Variants in ABLIM2 observed in about 807,000 individuals in gnomAD.
The protein encoded by ABLIM2 is actin binding LIM protein family member 2, also known as actin-binding LIM protein 2.
ABLIM2 carries 53 observed loss-of-function variants against 97.7 expected under a neutral mutation model. The observed-to-expected ratio is 0.54, with a 90% CI of 0.44 to 0.68. The LOEUF is 0.68. Ranked by LOEUF, ABLIM2 falls within the 30% of genes least tolerant of loss-of-function variation. The pLI, the probability that ABLIM2 is intolerant of heterozygous loss-of-function variation, is 0.00. For synonymous variants in ABLIM2, 361 were observed against 345.8 expected, an observed-to-expected ratio of 1.04 and a Z score of -0.49; for missense variants, 835 against 867.2, an observed-to-expected ratio of 0.96 and a Z score of 0.47.
rs1828426760 is a variant in ABLIM2, at chr4:8,091,642, T to A, written c.339-3358A>T. Among the ~76,000 whole-genome samples the A allele has an allele frequency of 1.4e-4, 8 of 57,470 alleles. 1 individual carries two copies. The South Asian group carries it at 3.8e-3, about 27-fold the overall frequency. The allele number at this position is 57,470 out of a possible 152,430, so 37.7% of individuals were successfully genotyped here. A position where few individuals can be genotyped will look rare whatever the true frequency, so the allele number is the denominator to read the frequency against. Reference sequence around the variant, plus strand: ...TTTTATATAAAATTATATATATAATTTTATATATTATATAATTATATATTA... The same window carrying A: ...TTTTATATAAAATTATATATATAATATTATATATTATATAATTATATATTA... On this transcript the variant is annotated intron_variant, in intron 3 of 20. Transcript: ENST00000447017.
Position 7,986,111 on chromosome 4 carries a change from G to A in ABLIM2, c.1681-1218C>T, listed in dbSNP as rs916515962. Among the ~76,000 whole-genome samples, 1 of 152,240 alleles carries A rather than the reference G, an allele frequency of 6.6e-6. No homozygotes were observed. Among genetic ancestry groups the A allele is most frequent in the Admixed American group, 6.5e-5 (1 of 15,284 alleles). On this transcript the variant is annotated intron_variant, in intron 17 of 20. Transcript: ENST00000447017. This position sits in a 1 kb window ranked among gnomAD's most constrained non-coding sequence, Gnocchi z 4.3. ...CACCTGGAACGGGGTCTCAAACGGG[G>A]TCAGGGCTCTCGGCCAGTGCTGCTG...
intron 8 of ABLIM2, among the ~76,000 whole-genome samples, chr4:8,053,301 G>A (rs1186219544): frequency 5.3e-5 from 8 of 152,214 alleles, no homozygotes; most frequent in South Asian, 2.1e-4. Flanking sequence ...AAGTTTTCCC[G>A]CCTTTCCAGA....
intron 12 of ABLIM2, chr4:8,020,605 G>C: frequency 2.2e-6 from 1 of 455,466 alleles, no homozygotes. Flanking sequence ...CACTCCATCT[G>C]CGCCTCTGCA....
At chr4:8,013,384 G>A (rs1198144400) in intron 14 of ABLIM2, among the ~76,000 whole-genome samples, 3 of 151,816 alleles carry the variant, frequency 2.0e-5, no homozygotes, top group Admixed American at 6.6e-5. Context: ...CACCATGCCC[G>A]GCTAATTTTT....
chr4:8,064,895 A>T (rs1806020520), intron 6 of ABLIM2, among the ~76,000 whole-genome samples: 1 of 152,188 alleles, frequency 6.6e-6, no homozygotes, highest in Non-Finnish European at 1.5e-5. Context: ...TGTGTATTAC[A>T]TGCCAACAAA....
chr4:7,984,707 C>A lies in ABLIM2; in HGVS notation c.1735+132G>T, dbSNP rs1406866204. 3 of 970,212 alleles carry A rather than the reference C, an allele frequency of 3.1e-6. No individual in the cohort carries two copies. In the East Asian group the frequency reaches 8.2e-5, roughly 26 times the overall value. 60.1% of individuals were successfully genotyped at this position (970,212 alleles called of 1,614,324 possible). A position where few individuals can be genotyped will look rare whatever the true frequency, so the allele number is the denominator to read the frequency against. On this transcript the variant is annotated intron_variant, in intron 18 of 20. Coordinates refer to ENST00000447017, the MANE Select transcript of ABLIM2 (RefSeq NM_001130083.2). The stretch of plus-strand genomic sequence containing the variant: ...GCAGGGAAACCAGCACGCCCTCCCC[C>A]GAGGTGTCCCCGCCCGGCACTCCCG...
intron 5 of ABLIM2, among the ~76,000 whole-genome samples, chr4:8,078,545 A>G (rs1817782790): frequency 1.3e-5 from 2 of 152,186 alleles, no homozygotes; most frequent in Non-Finnish European, 2.9e-5. Context: ...GATTATTAAG[A>G]GATCAACATG....
Position 8,019,531 on chromosome 4 carries a change from A to G in ABLIM2, c.1423+87T>C, listed in dbSNP as rs1772004854. 7.3e-7 allele frequency: 1 copy of G among 1,361,686 alleles called. No individual in the cohort carries two copies. The highest frequency in any genetic ancestry group is 1.0e-6 in the Non-Finnish European group (1 of 978,874). 84.4% of individuals were successfully genotyped at this position (1,361,686 alleles called of 1,614,324 possible). ...GTGGTGCCTTCACTGCATTTATCAG[A>G]ACACAACAAAAGGATGCATTCAGAA... On this transcript the variant is annotated intron_variant, in intron 14 of 20. Transcript: ENST00000447017. The surrounding 1 kb of genome is among the most constrained non-coding windows in gnomAD (Gnocchi z 4.3).
intron 5 of ABLIM2, 45 bp downstream of exon 5, chr4:8,080,631 G>A: frequency 6.5e-7 from 1 of 1,539,582 alleles, no homozygotes; most frequent in Non-Finnish European, 8.8e-7. Flanking sequence ...CACAGAGTAG[G>A]GAAGCCTGAG....
chr4:8,053,782 G>C (rs921199141), intron 8 of ABLIM2, among the ~76,000 whole-genome samples: 32 of 152,206 alleles, frequency 2.1e-4, no homozygotes, highest in African/African-American at 7.2e-4. Flanking sequence ...CTGTGGGAGT[G>C]GGTTAGTTAT....
Position 8,085,992 on chromosome 4 carries a change from C to T in ABLIM2, c.454+2177G>A, listed in dbSNP as rs893113275. Reference sequence around the variant, plus strand: ...TGCCAGGTACAGGGCACTCCTGCACCTGCAGAAGAGCTCCTCCAGGCACAG... The same window carrying T: ...TGCCAGGTACAGGGCACTCCTGCACTTGCAGAAGAGCTCCTCCAGGCACAG... On this transcript the variant is annotated intron_variant, in intron 4 of 20. Transcript: ENST00000447017. The surrounding 1 kb of genome is among the most constrained non-coding windows in gnomAD (Gnocchi z 6.1). Among the ~76,000 whole-genome samples, 5 of 152,176 alleles carry T rather than the reference C, an allele frequency of 3.3e-5. No homozygotes were observed. The highest frequency in any genetic ancestry group is 1.9e-4 in the East Asian group (1 of 5,184).
chr4:8,158,615 C>A (rs1716206196), intron 1 of ABLIM2, 65 bp downstream of exon 1: 4 of 1,502,422 alleles, frequency 2.7e-6, no homozygotes, highest in Non-Finnish European at 3.5e-6. Context: ...CCGAATGCCA[C>A]CCAGCCCTTG....
chr4:7,972,079 C>A (rs932891826), intron 20 of ABLIM2, among the ~76,000 whole-genome samples: 1 of 152,182 alleles, frequency 6.6e-6, no homozygotes, highest in African/African-American at 2.4e-5. Context: ...GCAGGAGGTC[C>A]CTGCAGGACC....
At chr4:8,157,638 C>T (rs970936302) in intron 1 of ABLIM2, among the ~76,000 whole-genome samples, 1 of 152,238 alleles carries the variant, frequency 6.6e-6, no homozygotes, top group African/African-American at 2.4e-5. Flanking sequence ...AATTCACATT[C>T]TCTCCCCAGT....
chr4:8,019,707 G>A lies in ABLIM2; in HGVS notation c.1370-36C>T. The A allele has an allele frequency of 1.9e-6, 3 of 1,581,330 alleles. No homozygotes were observed. The highest frequency in any genetic ancestry group is 2.6e-6 in the Non-Finnish European group (3 of 1,152,704). ...AGAAAGAAAAAAAAGGAGAGAACAGGAGGGTAAGCAGCAAGTTGTGATGGT... is the reference window on the plus strand; with the variant it reads ...AGAAAGAAAAAAAAGGAGAGAACAGAAGGGTAAGCAGCAAGTTGTGATGGT... On this transcript the variant is annotated intron_variant, in intron 13 of 20. Coordinates refer to ENST00000447017, the MANE Select transcript of ABLIM2 (RefSeq NM_001130083.2). The surrounding 1 kb of genome is among the most constrained non-coding windows in gnomAD (Gnocchi z 4.3).
chr4:8,090,019 T>C (rs182034328), intron 3 of ABLIM2, among the ~76,000 whole-genome samples: 1 of 152,186 alleles, frequency 6.6e-6, no homozygotes, highest in Non-Finnish European at 1.5e-5. Context: ...TGGCATCCAG[T>C]ACCCTCGGTC....
At chr4:8,039,562 G>GT (rs1278097503) in intron 9 of ABLIM2, among the ~76,000 whole-genome samples, 1 of 152,144 alleles carries the variant, frequency 6.6e-6, no homozygotes, top group Non-Finnish European at 1.5e-5. Flanking sequence ...TGTGTAAAGG[G>GT]TTTTTCCTCT....
chr4:8,008,222 A>G (rs1473336149), intron 15 of ABLIM2, 22 bp from the exon 16 acceptor site: 1 of 1,608,052 alleles, frequency 6.2e-7, no homozygotes, highest in Non-Finnish European at 8.5e-7. Flanking sequence ...AAACAAAGTC[A>G]TGCAAATGTC....
intron 15 of ABLIM2, among the ~76,000 whole-genome samples, chr4:8,008,725 T>C (rs777764022): frequency 6.6e-6 from 1 of 152,246 alleles, no homozygotes; most frequent in Non-Finnish European, 1.5e-5. Context: ...TGGCCCTTTA[T>C]GAAGAACGTC....
Sources: gnomAD v4.1 joint callset for allele counts (sites outside exome capture counted in the v4.1 genomes callset) on GRCh38, gnomAD v4.1.1 for gene constraint, Gnocchi (gnomAD v3.1) non-coding constraint, MANE v1.5 for transcripts, NCBI Gene and HGNC (gene_info 2026-07-23, HGNC 2026-07-21) for gene names.